Variants in TGM1 observed in about 807,000 individuals in gnomAD.
TGM1 encodes the protein protein-glutamine gamma-glutamyltransferase K.
In TGM1, 63 loss-of-function variants were observed where a neutral mutation model predicts 88.7. The observed-to-expected ratio is 0.71, with a 90% CI of 0.58 to 0.88. The LOEUF (loss-of-function observed/expected upper bound fraction) is 0.88. Among genes scored for constraint, TGM1 ranks in the 40% least tolerant of loss-of-function variants. TGM1 has a pLI of 0.00. For missense variants in TGM1, 996 were observed against 1,118.0 expected (o/e 0.89, Z 1.56); for synonymous variants, 415 against 431.1 (o/e 0.96, Z 0.46).
chr14:24,255,096 GA>G lies in TGM1; in HGVS notation c.1802del (p.Ile601ThrfsTer10). 1 of 1,614,152 alleles carries G rather than the reference GA, an allele frequency of 6.2e-7. No homozygotes were observed. The highest frequency in any genetic ancestry group is 8.5e-7 in the Non-Finnish European group (1 of 1,180,040). ...GQDLMVSVML[I>X]NHSSSRRTVK... The stretch of plus-strand genomic sequence containing the variant: ...CTGTGCGGCGGCTGCTGCTGTGATT[GA>G]TCAGCATCACAGAGACCATCAGATC... On this transcript the variant is annotated frameshift_variant, in exon 12 of 15. Transcript: ENST00000206765. LOFTEE classifies it high-confidence loss of function. This position sits in a 1 kb window ranked among gnomAD's most constrained non-coding sequence, Gnocchi z 4.0.
Position 24,249,324 on chromosome 14 carries a change from C to T in TGM1, c.2443G>A (p.Gly815Ser), listed in dbSNP as rs1167290361. The change falls in exon 15 of 15, where the codon GGT (glycine) becomes AGT (serine). Residue 815 changes from glycine to serine, a missense_variant. Physicochemically the swap from Gly to Ser is moderately conservative, Grantham distance 56. Coordinates refer to ENST00000206765, the MANE Select transcript of TGM1 (RefSeq NM_000359.3). The stretch of plus-strand genomic sequence containing the variant: ...CTCCTGGCACGGGGCTAAGCTCCAC[C>T]TCGAGATGCCATAGGGATGGTCTCT... ...LGETIPMASR[G>S]GA The T allele has an allele frequency of 6.2e-7, 1 of 1,613,512 alleles. No homozygotes were observed. The highest frequency in any genetic ancestry group is 1.1e-5 in the South Asian group (1 of 91,070).
At chr14:24,262,923 C>T (rs1053872549) in intron 1 of TGM1, among the ~76,000 whole-genome samples, 166 bp downstream of exon 1, 3 of 152,240 alleles carry the variant, frequency 2.0e-5, no homozygotes, top group Non-Finnish European at 4.4e-5. Context: ...TGGCAGGTGC[C>T]CGGAGCCTGT....
In TGM1 at chr14:24,249,532, T is replaced by A. The variant is rs1275060646; in HGVS notation, c.2235A>T (p.Gly745=). The change falls in exon 15 of 15, where the codon GGA becomes GGT. Residue 745 remains glycine (G), a synonymous_variant. Coordinates refer to ENST00000206765, the MANE Select transcript of TGM1 (RefSeq NM_000359.3). ...RPKILNVGDI[G]GNETVTLRQS... is the part of the protein sequence containing the mutation. ...GGCGCAGTGTCACTGTTTCATTGCC[T>A]CCAATGTCCCTGTGGGCAGAGACAA... is the stretch of plus-strand genomic sequence containing the variant. 2.5e-6 allele frequency: 4 copies of A among 1,613,678 alleles called. No individual in the cohort carries two copies. Among genetic ancestry groups the A allele is most frequent in the Non-Finnish European group, 3.4e-6 (4 of 1,179,882 alleles).
At position 24,260,600 on chromosome 14, in the gene TGM1, G is replaced by T. The variant is rs201167101; in HGVS notation, c.607C>A (p.Gln203Lys). ...GTGTGGACCCGCAGGTTCAGATTCT[G>T]CCCACTGGCCTTGACCACCTGGGCT... ...WKAQVVKASG[Q>K]NLNLRVHTSP... is the part of the protein sequence containing the mutation. The change falls in exon 4 of 15, where the codon CAG (glutamine) becomes AAG (lysine). Residue 203 changes from glutamine to lysine, a missense_variant. By Grantham distance (53) the Gln-to-Lys change is moderately conservative (BLOSUM62 1). Transcript: ENST00000206765. 1 of 1,614,084 alleles carries T rather than the reference G, an allele frequency of 6.2e-7. No homozygotes were observed. Among genetic ancestry groups the T allele is most frequent in the African/African-American group, 1.3e-5 (1 of 74,932 alleles).
chr14:24,259,483 G>A lies in TGM1; in HGVS notation c.984+221C>T, dbSNP rs1779981695. On this transcript the variant is annotated intron_variant, in intron 6 of 14. Coordinates refer to ENST00000206765, the MANE Select transcript of TGM1 (RefSeq NM_000359.3). This position sits in a 1 kb window ranked among gnomAD's most constrained non-coding sequence, Gnocchi z 5.7. ...CTGGGTGTGCCAAGTTTTGGGTTTGGCCCTACATTCCACAGGAGCTGGGAC... is the reference window on the plus strand; with the variant it reads ...CTGGGTGTGCCAAGTTTTGGGTTTGACCCTACATTCCACAGGAGCTGGGAC... Among the ~76,000 whole-genome samples, 1 of 152,200 alleles carries A rather than the reference G, an allele frequency of 6.6e-6. No homozygotes were observed. The highest frequency in any genetic ancestry group is 1.5e-5 in the Non-Finnish European group (1 of 68,032).
chr14:24,254,257 C>T lies in TGM1; in HGVS notation c.2120G>A (p.Cys707Tyr). Residue 707 changes from cysteine to tyrosine, a missense_variant, in exon 14 of 15, where the codon TGT becomes TAT. Cys to Tyr is a radical substitution (Grantham distance 194, BLOSUM62 -2). Transcript: ENST00000206765. Reference sequence around the variant, plus strand: ...GTTCTTGAAGACAATCTGTACTTCACACTCCTGGCCAACCACTGCTGCTCC... The same window carrying T: ...GTTCTTGAAGACAATCTGTACTTCATACTCCTGGCCAACCACTGCTGCTCC... ...LLGAAVVGQE[C>Y]EVQIVFKNPL... 1 of 1,614,058 alleles carries T rather than the reference C, an allele frequency of 6.2e-7. No individual in the cohort carries two copies. The highest frequency in any genetic ancestry group is 8.5e-7 in the Non-Finnish European group (1 of 1,180,002).
rs750973499 is a variant in TGM1, at chr14:24,254,154, A to G, written c.2223T>C (p.Val741=). The part of the protein sequence containing the change: ...SGLQRPKILN[V]GDIGGNETVT... The stretch of plus-strand genomic sequence containing the variant: ...GTAGGGGGAGAGGCCAGACTCACCC[A>G]ACGTTGAGGATCTTGGGCCTCTGTA... Residue 741 remains valine (V), a splice_region_variant and synonymous_variant, in exon 14 of 15, where the codon GTT becomes GTC. Transcript: ENST00000206765. The G allele has an allele frequency of 6.2e-7, 1 of 1,610,910 alleles. No individual in the cohort carries two copies. Among genetic ancestry groups the G allele is most frequent in the Non-Finnish European group, 8.5e-7 (1 of 1,178,532 alleles).
In TGM1 at chr14:24,255,344, C is replaced by T; in HGVS notation, c.1645+20G>A. On this transcript the variant is annotated intron_variant, in intron 11 of 14. Coordinates refer to ENST00000206765, the MANE Select transcript of TGM1 (RefSeq NM_000359.3). This position sits in a 1 kb window ranked among gnomAD's most constrained non-coding sequence, Gnocchi z 4.0. ...CACTTGTTGTGGGGCCCAGAGCTGG[C>T]TGGGTTGGGGGAATGGTACCTTCTG... 1.9e-6 allele frequency: 3 copies of T among 1,614,188 alleles called. 1 individual carries two copies. In the South Asian group the frequency reaches 3.3e-5, roughly 18 times the overall value.
chr14:24,250,179 T>TGTGTGAAA (rs138497842), intron 14 of TGM1, among the ~76,000 whole-genome samples: 2 of 140,700 alleles, frequency 1.4e-5, no homozygotes, highest in Non-Finnish European at 1.5e-5. Context: ...TGTGTGTGTG[T>TGTGTGAAA]GAGAGAGACA....
intron 2 of TGM1, 54 bp from the exon 3 acceptor site, chr14:24,261,937 A>G: frequency 2.5e-6 from 4 of 1,610,556 alleles, no homozygotes; most frequent in Non-Finnish European, 3.4e-6. Context: ...CCAGGCCCTT[A>G]TCATTAGCTT....
At position 24,255,288 on chromosome 14, in the gene TGM1, C is replaced by G; in HGVS notation, c.1646-35G>C. ...GAGGGTCAAGGGTGAGGTTCCAATT[C>G]CCACGTGGGTGGCCAAGCACTTGGC... On this transcript the variant is annotated intron_variant, in intron 11 of 14. Coordinates refer to ENST00000206765, the MANE Select transcript of TGM1 (RefSeq NM_000359.3). This position sits in a 1 kb window ranked among gnomAD's most constrained non-coding sequence, Gnocchi z 4.0. 1 of 1,614,162 alleles carries G rather than the reference C, an allele frequency of 6.2e-7. No homozygotes were observed.
At position 24,255,243 on chromosome 14, in the gene TGM1, T is replaced by C. The variant is rs1263628489; in HGVS notation, c.1656A>G (p.Ala552=). The C allele has an allele frequency of 6.2e-7, 1 of 1,613,864 alleles. No individual in the cohort carries two copies. Among genetic ancestry groups the C allele is most frequent in the Non-Finnish European group, 8.5e-7 (1 of 1,180,038 alleles). The part of the protein sequence containing the change: ...YLYKHPEGSD[A]ERKAVETAAA... ...CTGCTGTCTCTACTGCCTTCCGCTC[T>C]GCGTCTGAGCCTGGGGGTTGAGGGT... The change falls in exon 12 of 15, where the codon GCA becomes GCG. Residue 552 remains alanine (A), a synonymous_variant. Coordinates refer to ENST00000206765, the MANE Select transcript of TGM1 (RefSeq NM_000359.3). The surrounding 1 kb of genome is among the most constrained non-coding windows in gnomAD (Gnocchi z 4.0).
chr14:24,249,604 G>T, intron 14 of TGM1, 63 bp from the exon 15 acceptor site: 1 of 1,426,006 alleles, frequency 7.0e-7, no homozygotes, highest in Non-Finnish European at 9.8e-7. Context: ...AGTAAGAGCT[G>T]ATCCAGGGCA....
chr14:24,260,382 C>T (rs574075851), intron 4 of TGM1, 68 bp downstream of exon 4: 157 of 1,605,486 alleles, frequency 9.8e-5, no homozygotes, highest in South Asian at 5.2e-4. Context: ...CCGCCACATC[C>T]GAGGGCAGGA....
rs781259607 is a variant in TGM1 at position 24,254,724 on chromosome 14, G to C, written c.2028C>G (p.Ser676Arg). Residue 676 changes from serine to arginine, a missense_variant, in exon 13 of 15, where the codon AGC becomes AGG. Ser to Arg is a moderately radical substitution (Grantham distance 110). Transcript: ENST00000206765. The stretch of plus-strand genomic sequence containing the variant: ...TGTGCTGCTTGGCCAGCACCTGCCC[G>C]CTCTCCTTGACGTGGCCTGAGACAT... ...LLNVSGHVKESGQVLAKQHTF... is the reference protein window; with the variant it reads ...LLNVSGHVKERGQVLAKQHTF... 1.2e-5 allele frequency: 20 copies of C among 1,613,906 alleles called. No individual in the cohort carries two copies. In the African/African-American group the frequency reaches 2.1e-4, roughly 17 times the overall value.
chr14:24,254,895 T>C, intron 12 of TGM1, 71 bp from the exon 13 acceptor site: 2 of 1,612,500 alleles, frequency 1.2e-6, no homozygotes, highest in Admixed American at 1.7e-5. Context: ...GACTCCCCAC[T>C]GCTCCTGGGG....
In TGM1 at chr14:24,255,324, G is replaced by C. The variant is rs1437799542; in HGVS notation, c.1645+40C>G. On this transcript the variant is annotated intron_variant, in intron 11 of 14. Coordinates refer to ENST00000206765, the MANE Select transcript of TGM1 (RefSeq NM_000359.3). The surrounding 1 kb of genome is among the most constrained non-coding windows in gnomAD (Gnocchi z 4.0). Reference sequence around the variant, plus strand: ...GGCCAAGCACTTGGCAGGAACACTTGTTGTGGGGCCCAGAGCTGGCTGGGT... The same window carrying C: ...GGCCAAGCACTTGGCAGGAACACTTCTTGTGGGGCCCAGAGCTGGCTGGGT... 6.2e-7 allele frequency: 1 copy of C among 1,614,238 alleles called. No individual in the cohort carries two copies. Among genetic ancestry groups the C allele is most frequent in the Non-Finnish European group, 8.5e-7 (1 of 1,180,042 alleles).
At position 24,260,570 on chromosome 14, in the gene TGM1, G is replaced by A. The variant is rs530095586; in HGVS notation, c.637C>T (p.Pro213Ser). The A allele has an allele frequency of 3.1e-6, 5 of 1,614,226 alleles. No individual in the cohort carries two copies. Among genetic ancestry groups the A allele is most frequent in the African/African-American group, 2.7e-5 (2 of 75,068 alleles). The change falls in exon 4 of 15, where the codon CCC (proline) becomes TCC (serine). Residue 213 changes from proline (P) to serine (S), a missense_variant. Coordinates refer to ENST00000206765, the MANE Select transcript of TGM1 (RefSeq NM_000359.3). ...QNLNLRVHTS[P>S]NAIIGKFQFT... ...TGAAACTTGCCGATGATGGCGTTGG[G>A]GGAAGTGTGGACCCGCAGGTTCAGA...
At chr14:24,249,572 A>G (rs750948684) in intron 14 of TGM1, 31 bp from the exon 15 acceptor site, 5 of 1,597,354 alleles carry the variant, frequency 3.1e-6, no homozygotes. Context: ...ATGGGCCTGG[A>G]GTAATTGGGG....
Sources: gnomAD v4.1 joint callset for allele counts (sites outside exome capture counted in the v4.1 genomes callset) on GRCh38, gnomAD v4.1.1 for gene constraint, Gnocchi (gnomAD v3.1) non-coding constraint, MANE v1.5 for transcripts, NCBI Gene and HGNC (gene_info 2026-07-23, HGNC 2026-07-21) for gene names.